Variants in ATG10 observed in about 807,000 individuals in gnomAD.
ATG10 encodes autophagy related 10, also known as ubiquitin-like-conjugating enzyme ATG10.
Under a neutral mutation model 32.1 loss-of-function variants are expected in ATG10, and 30 were observed. The observed-to-expected ratio is 0.94, with a 90% CI of 0.70 to 1.27. The LOEUF is 1.27. Ranked by LOEUF, ATG10 falls within the 50% of genes most tolerant of loss-of-function variation. ATG10 has a pLI of 0.00. For synonymous variants in ATG10, 87 were observed against 91.5 expected, an observed-to-expected ratio of 0.95 and a Z score of 0.28; for missense variants, 233 against 262.3, an observed-to-expected ratio of 0.89 and a Z score of 0.77.
intron 5 of ATG10, among the ~76,000 whole-genome samples, chr5:82,220,861 A>G (rs1400233396): frequency 6.6e-6 from 1 of 151,348 alleles, no homozygotes; most frequent in East Asian, 2.0e-4. Flanking sequence ...TCCTGGATTC[A>G]AGCAATTCTC....
At chr5:82,093,241 A>G (rs73768626) in intron 3 of ATG10, among the ~76,000 whole-genome samples, 3,819 of 152,234 alleles carry the variant, frequency 0.025, 159 homozygotes, top group African/African-American at 0.086. Flanking sequence ...AATTACACAT[A>G]TATTAGGCCA....
chr5:82,118,298 TTGTGTG>T (rs375478173), intron 3 of ATG10, among the ~76,000 whole-genome samples: 3 of 140,500 alleles, frequency 2.1e-5, no homozygotes, highest in South Asian at 2.3e-4. Flanking sequence ...AGTGTCTTTC[TTGTGTG>T]TGTGTGTGTG....
chr5:82,046,489 A>C (rs539884982), intron 2 of ATG10, among the ~76,000 whole-genome samples: 1 of 152,192 alleles, frequency 6.6e-6, no homozygotes, highest in African/African-American at 2.4e-5. Flanking sequence ...CTAAAGAGAG[A>C]GCACGGCTCT....
chr5:82,164,212 C>T lies in ATG10; in HGVS notation c.217-187C>T, dbSNP rs559600188. Reference sequence around the variant, plus strand: ...TGGAATTACTTAATGCTAATGTTTTCTGGTTTTACTATTTACCCAGGACTC... The same window carrying T: ...TGGAATTACTTAATGCTAATGTTTTTTGGTTTTACTATTTACCCAGGACTC... On this transcript the variant is annotated intron_variant, in intron 3 of 7. Transcript: ENST00000282185. Among the ~76,000 whole-genome samples the T allele has an allele frequency of 4.6e-5, 7 of 152,066 alleles. No homozygotes were observed. The East Asian group carries it at 1.2e-3, about 25-fold the overall frequency.
chr5:82,214,415 C>A (rs1745599060), intron 5 of ATG10, among the ~76,000 whole-genome samples: 1 of 152,248 alleles, frequency 6.6e-6, no homozygotes, highest in South Asian at 2.1e-4. Flanking sequence ...AATTTAGTAG[C>A]AGCAAACGAA....
intron 3 of ATG10, among the ~76,000 whole-genome samples, chr5:82,122,986 A>G (rs1378625002): frequency 2.0e-5 from 3 of 152,250 alleles, no homozygotes; most frequent in African/African-American, 7.2e-5. Context: ...ACTACATTCA[A>G]TCCAGTAATC....
chr5:82,121,783 G>A (rs999961847), intron 3 of ATG10, among the ~76,000 whole-genome samples: 1 of 152,050 alleles, frequency 6.6e-6, no homozygotes, highest in Non-Finnish European at 1.5e-5. Context: ...TGCTTATGTT[G>A]AACCAACCTT....
At chr5:82,252,487 G>A (rs1486139990) in intron 5 of ATG10, 75 bp from the exon 6 acceptor site, 3 of 854,848 alleles carry the variant, frequency 3.5e-6, no homozygotes, top group Non-Finnish European at 5.8e-6. Context: ...TATTTTAAAG[G>A]AGTAAACCAG....
At chr5:82,127,274 C>T (rs1458340278) in intron 3 of ATG10, among the ~76,000 whole-genome samples, 1 of 152,062 alleles carries the variant, frequency 6.6e-6, no homozygotes, top group Non-Finnish European at 1.5e-5. Flanking sequence ...TTTCATGTCT[C>T]TGTCTTCTTC....
chr5:81,980,111 C>T (rs757937384), intron 1 of ATG10, among the ~76,000 whole-genome samples: 3 of 152,072 alleles, frequency 2.0e-5, no homozygotes, highest in Admixed American at 6.6e-5. Flanking sequence ...TCTACTGTTA[C>T]GTGTTTGAAT....
chr5:82,027,234 A>C (rs923617322), intron 2 of ATG10, among the ~76,000 whole-genome samples: 10 of 152,024 alleles, frequency 6.6e-5, no homozygotes, highest in African/African-American at 2.4e-4. Context: ...CCTCTTCTCT[A>C]CAAAAAAATT....
intron 5 of ATG10, among the ~76,000 whole-genome samples, chr5:82,246,822 T>A (rs1747055912): frequency 6.6e-6 from 1 of 152,190 alleles, no homozygotes; most frequent in Non-Finnish European, 1.5e-5. Context: ...GGACTTTTTT[T>A]AGTATATCTT....
intron 3 of ATG10, among the ~76,000 whole-genome samples, chr5:82,090,824 A>G (rs1383314909): frequency 1.3e-5 from 2 of 152,234 alleles, no homozygotes; most frequent in African/African-American, 2.4e-5. Flanking sequence ...CTTACAACAC[A>G]TGTATATCTT....
chr5:82,009,858 T>C, intron 2 of ATG10: 1 of 1,609,014 alleles, frequency 6.2e-7, no homozygotes, highest in South Asian at 1.1e-5. Context: ...TTTCTCCCCA[T>C]AGATGGACTT....
At chr5:82,185,504 A>G (rs1377749512) in intron 5 of ATG10, among the ~76,000 whole-genome samples, 1 of 152,206 alleles carries the variant, frequency 6.6e-6, no homozygotes, top group Non-Finnish European at 1.5e-5. Flanking sequence ...CACATTTTGC[A>G]TATCCCAAAT....
At chr5:81,997,896 G>T (rs1761715246) in intron 2 of ATG10, among the ~76,000 whole-genome samples, 1 of 152,200 alleles carries the variant, frequency 6.6e-6, no homozygotes. Context: ...TATGTAAAGA[G>T]ATCACCCCTG....
rs535485398 is a variant in ATG10 at position 82,004,437 on chromosome 5, G to A, written c.108+16759G>A. ...TAGAATCAGTTATAGGAAATCAGGA[G>A]ATGGAGAACCAAGGTAATTGACACT... On this transcript the variant is annotated intron_variant, in intron 2 of 7. Coordinates refer to ENST00000282185, the MANE Select transcript of ATG10 (RefSeq NM_031482.5). Among the ~76,000 whole-genome samples, 21 of 152,286 alleles carry A rather than the reference G, an allele frequency of 1.4e-4. No individual in the cohort carries two copies. The South Asian group carries it at 4.1e-3, about 30-fold the overall frequency.
intron 5 of ATG10, among the ~76,000 whole-genome samples, chr5:82,187,115 C>T (rs2149938105): frequency 6.6e-6 from 1 of 151,416 alleles, no homozygotes; most frequent in African/African-American, 2.4e-5. Flanking sequence ...TGAGGCTAGC[C>T]TAGGTAACAT....
intron 5 of ATG10, among the ~76,000 whole-genome samples, chr5:82,196,865 C>T (rs1042212754): frequency 1.3e-5 from 2 of 152,144 alleles, no homozygotes; most frequent in African/African-American, 2.4e-5. Flanking sequence ...AGATTGTTTT[C>T]GCTAGCTTTG....
Sources: gnomAD v4.1 joint callset for allele counts (sites outside exome capture counted in the v4.1 genomes callset) on GRCh38, gnomAD v4.1.1 for gene constraint, MANE v1.5 for transcripts, NCBI Gene and HGNC (gene_info 2026-07-23, HGNC 2026-07-21) for gene names.